The following SH3RF2 variants were observed in gnomAD, a reference collection of about 807,000 sequenced individuals.
SH3RF2 encodes E3 ubiquitin-protein ligase SH3RF2.
In SH3RF2, 43 loss-of-function variants were observed where a neutral mutation model predicts 59.0. The observed-to-expected ratio is 0.73, with a 90% CI of 0.57 to 0.94. The LOEUF (loss-of-function observed/expected upper bound fraction) is 0.94. SH3RF2 is among the 40% of genes least tolerant of loss of function. The probability of loss-of-function intolerance (pLI) is 0.00; values close to 1 mark genes in which losing one functional copy is unlikely to be tolerated. For synonymous variants in SH3RF2, 391 were observed against 391.5 expected (o/e 1.00, Z 0.01); for missense variants, 930 against 940.1 (o/e 0.99, Z 0.14).
intron 5 of SH3RF2, among the ~76,000 whole-genome samples, chr5:146,033,295 G>A (rs1204216258): frequency 2.0e-5 from 3 of 151,834 alleles, no homozygotes; most frequent in African/African-American, 7.3e-5. Context: ...ACTCCTTAAG[G>A]GCAAGGAGTA....
At chr5:146,078,024 G>T (rs111458039) in intron 9 of SH3RF2, among the ~76,000 whole-genome samples, 1,813 of 152,260 alleles carry the variant, frequency 0.012, 7 homozygotes, top group Middle Eastern at 0.027. Flanking sequence ...AAATGTAGGA[G>T]AAGGAAAAGC....
At chr5:146,058,270 T>C (rs1279971226) in intron 8 of SH3RF2, among the ~76,000 whole-genome samples, 2 of 152,220 alleles carry the variant, frequency 1.3e-5, no homozygotes, top group African/African-American at 4.8e-5. Flanking sequence ...CATGTCTGCC[T>C]GGTGCTGCTT....
intron 2 of SH3RF2, among the ~76,000 whole-genome samples, chr5:145,991,159 A>G (rs1005351874): frequency 1.3e-5 from 2 of 152,198 alleles, no homozygotes; most frequent in Non-Finnish European, 2.9e-5. Context: ...GACAATAAGA[A>G]TGGTAAAAAC....
At chr5:145,981,527 T>G (rs977697224) in intron 2 of SH3RF2, among the ~76,000 whole-genome samples, 8 of 152,186 alleles carry the variant, frequency 5.3e-5, no homozygotes, top group African/African-American at 1.9e-4. Flanking sequence ...CTCTTCCTTT[T>G]TCCCATGCAG....
Position 146,000,031 on chromosome 5 carries a change from A to G in SH3RF2, c.379-27A>G, listed in dbSNP as rs759763537. The G allele has an allele frequency of 5.0e-6, 8 of 1,608,984 alleles. No homozygotes were observed. The East Asian group carries it at 1.6e-4, about 31-fold the overall frequency. On this transcript the variant is annotated intron_variant, in intron 2 of 9. Transcript: ENST00000359120. The stretch of plus-strand genomic sequence containing the variant: ...TTCCTCTAGACTCTAAGCTAAGTAC[A>G]TATCTTATTGGTCTGTGCCATTGCA...
intron 9 of SH3RF2, among the ~76,000 whole-genome samples, chr5:146,077,155 C>T (rs1323598497): frequency 6.6e-6 from 1 of 152,154 alleles, no homozygotes; most frequent in Non-Finnish European, 1.5e-5. Context: ...TCATAAAGAT[C>T]GAACTTCTGT....
intron 4 of SH3RF2, among the ~76,000 whole-genome samples, chr5:146,007,079 A>C (rs1263670810): frequency 6.6e-6 from 1 of 152,230 alleles, no homozygotes; most frequent in Non-Finnish European, 1.5e-5. Flanking sequence ...GAACACGTGA[A>C]ACACTGGGTA....
intron 2 of SH3RF2, among the ~76,000 whole-genome samples, chr5:145,983,459 G>A (rs1218033711): frequency 6.6e-6 from 1 of 152,028 alleles, no homozygotes; most frequent in African/African-American, 2.4e-5. Context: ...TTTGTAACAG[G>A]CCCACCCAAA....
chr5:145,954,952 A>G (rs906638377), intron 2 of SH3RF2, among the ~76,000 whole-genome samples: 12 of 152,042 alleles, frequency 7.9e-5, no homozygotes, highest in African/African-American at 2.9e-4. Flanking sequence ...GGTGGGGGGA[A>G]GTGCCACACA....
intron 5 of SH3RF2, among the ~76,000 whole-genome samples, chr5:146,028,122 G>A (rs141159951): frequency 1.1e-3 from 162 of 148,538 alleles, no homozygotes; most frequent in African/African-American, 3.6e-3. Context: ...TCTGGGAGCT[G>A]GGAGCAGGGG....
intron 7 of SH3RF2, among the ~76,000 whole-genome samples, chr5:146,052,429 T>G (rs942666117): frequency 1.6e-4 from 25 of 152,186 alleles, no homozygotes; most frequent in African/African-American, 5.8e-4. Context: ...AGATGGAGTT[T>G]CAGCACAATA....
chr5:145,955,244 T>A (rs1758348805), intron 2 of SH3RF2, among the ~76,000 whole-genome samples: 1 of 152,216 alleles, frequency 6.6e-6, no homozygotes, highest in South Asian at 2.1e-4. Context: ...CAAAATCATG[T>A]CCTTTGCAGT....
intron 2 of SH3RF2, among the ~76,000 whole-genome samples, chr5:145,946,832 G>T (rs12654235): frequency 0.096 from 14,578 of 152,160 alleles, 1,038 homozygotes; most frequent in East Asian, 0.26. Flanking sequence ...GAAAGAATTT[G>T]CCACTGAGTT....
intron 9 of SH3RF2, among the ~76,000 whole-genome samples, chr5:146,074,583 A>AAAAAC (rs930094766): frequency 6.6e-6 from 1 of 152,062 alleles, no homozygotes; most frequent in Non-Finnish European, 1.5e-5. Context: ...CATCTAAAAA[A>AAAAAC]AAAACAAAAC....
chr5:146,066,224 G>C (rs1374529921), downstream of SH3RF2, among the ~76,000 whole-genome samples: 1 of 152,226 alleles, frequency 6.6e-6, no homozygotes, highest in Non-Finnish European at 1.5e-5. Flanking sequence ...GGACTGCCAG[G>C]AGGCAGCAGA....
At chr5:146,017,814 C>A (rs1042544455) in intron 5 of SH3RF2, among the ~76,000 whole-genome samples, 1 of 152,092 alleles carries the variant, frequency 6.6e-6, no homozygotes, top group African/African-American at 2.4e-5. Context: ...TCAATCACTT[C>A]GCCTCACCCC....
At chr5:145,940,919 G>T (rs187020873) in intron 2 of SH3RF2, among the ~76,000 whole-genome samples, 9 of 152,228 alleles carry the variant, frequency 5.9e-5, no homozygotes, top group Non-Finnish European at 1.2e-4. Context: ...TGTTTATTGT[G>T]CCCTGCCACA....
rs560688085 is a variant in SH3RF2, at chr5:145,964,958, C to T, written c.378+26652C>T. 1.5e-3 allele frequency among the ~76,000 whole-genome samples: 226 copies of T among 152,170 alleles called. 1 individual carries two copies. Among genetic ancestry groups the T allele is most frequent in the African/African-American group, 5.0e-3 (207 of 41,502 alleles). Reference sequence around the variant, plus strand: ...CTGTAATCTCAGCACTTTGGGAGGCCGAGGCAGGTGGATTGCCTGAGCTCA... The same window carrying T: ...CTGTAATCTCAGCACTTTGGGAGGCTGAGGCAGGTGGATTGCCTGAGCTCA... On this transcript the variant is annotated intron_variant, in intron 2 of 9. Transcript: ENST00000359120.
In SH3RF2 at chr5:146,000,045, T is replaced by G. The variant is rs756667272; in HGVS notation, c.379-13T>G. 2 of 1,611,650 alleles carry G rather than the reference T, an allele frequency of 1.2e-6. No homozygotes were observed. The highest frequency in any genetic ancestry group is 3.3e-4 in the Middle Eastern group (2 of 6,056). On this transcript the variant is annotated splice_polypyrimidine_tract_variant and intron_variant, in intron 2 of 9. Transcript: ENST00000359120. ...AAGCTAAGTACATATCTTATTGGTC[T>G]GTGCCATTGCAGGTGCCTCGAGCAA...
Sources: gnomAD v4.1 joint callset for allele counts (sites outside exome capture counted in the v4.1 genomes callset) on GRCh38, gnomAD v4.1.1 for gene constraint, MANE v1.5 for transcripts, NCBI Gene and HGNC (gene_info 2026-07-23, HGNC 2026-07-21) for gene names.